The following STX8 variants were observed in gnomAD, a reference collection of about 807,000 sequenced individuals.
The protein encoded by STX8 is syntaxin 8, also known as syntaxin-8.
A neutral mutation model predicts 37.5 loss-of-function variants in STX8; 23 were observed. The observed-to-expected ratio is 0.61, with a 90% confidence interval of 0.44 to 0.87. STX8 has a LOEUF of 0.87. STX8 is among the 40% of genes least tolerant of loss of function. STX8 has a pLI of 0.00. For synonymous variants in STX8, 115 were observed against 99.1 expected (o/e 1.16, Z -0.95); for missense variants, 313 against 284.7 (o/e 1.10, Z -0.71).
chr17:9,274,663 G>A (rs1320247609), intron 7 of STX8, among the ~76,000 whole-genome samples: 2 of 134,686 alleles, frequency 1.5e-5, no homozygotes, highest in Non-Finnish European at 3.2e-5. Flanking sequence ...GCAACAGTGT[G>A]AGACTCTGTC....
chr17:9,495,605 T>C (rs569806877), intron 5 of STX8, among the ~76,000 whole-genome samples: 8 of 152,380 alleles, frequency 5.3e-5, no homozygotes, highest in African/African-American at 7.2e-5. Flanking sequence ...AGCAACCTGA[T>C]GATCATCTAA....
At chr17:9,458,358 C>T (rs1324278369) in intron 6 of STX8, among the ~76,000 whole-genome samples, 11 of 152,222 alleles carry the variant, frequency 7.2e-5, no homozygotes, top group Non-Finnish European at 1.3e-4. Flanking sequence ...ACCGTGTCAG[C>T]CAGGATGGTG....
intron 4 of STX8, among the ~76,000 whole-genome samples, chr17:9,525,697 A>G (rs1260792219): frequency 6.6e-6 from 1 of 152,138 alleles, no homozygotes; most frequent in Non-Finnish European, 1.5e-5. Context: ...CATATCACAC[A>G]AAGTGGCATT....
intron 6 of STX8, among the ~76,000 whole-genome samples, chr17:9,487,003 G>A (rs917158361): frequency 3.3e-5 from 5 of 152,086 alleles, no homozygotes; most frequent in East Asian, 3.9e-4. Context: ...ACTTGCCAAC[G>A]CCCCTAGTCA....
chr17:9,354,964 A>G (rs927773827), intron 7 of STX8, among the ~76,000 whole-genome samples: 4 of 151,956 alleles, frequency 2.6e-5, no homozygotes, highest in African/African-American at 9.7e-5. Context: ...CAATACTACC[A>G]CCCCTGTTTT....
intron 6 of STX8, among the ~76,000 whole-genome samples, chr17:9,444,882 GAT>G (rs766595417): frequency 6.6e-6 from 1 of 152,172 alleles, no homozygotes; most frequent in Non-Finnish European, 1.5e-5. Flanking sequence ...AGTTGGCAGA[GAT>G]ATGTTACAGA....
intron 6 of STX8, among the ~76,000 whole-genome samples, chr17:9,396,619 A>G (rs1219184562): frequency 2.7e-5 from 4 of 148,872 alleles, no homozygotes; most frequent in African/African-American, 9.8e-5. Context: ...CTGAGGCAGG[A>G]GATTCGCTTG....
intron 7 of STX8, among the ~76,000 whole-genome samples, chr17:9,359,199 C>G (rs973832646): frequency 6.6e-6 from 1 of 151,548 alleles, no homozygotes; most frequent in Non-Finnish European, 1.5e-5. Context: ...CCTGCCACCA[C>G]GCCTGGCTAA....
chr17:9,440,372 T>C (rs12450827), intron 6 of STX8, among the ~76,000 whole-genome samples: 27,074 of 152,042 alleles, frequency 0.18, 2,981 homozygotes, highest in Middle Eastern at 0.28. Context: ...ATTCCTCCTT[T>C]ATAATCCCTC....
chr17:9,366,547 C>T (rs919524902), intron 7 of STX8, among the ~76,000 whole-genome samples: 1 of 152,132 alleles, frequency 6.6e-6, no homozygotes, highest in Admixed American at 6.6e-5. Context: ...CATTTCTATT[C>T]ACCTTTCTCG....
chr17:9,306,199 A>G (rs533180776), intron 7 of STX8, among the ~76,000 whole-genome samples: 2 of 152,318 alleles, frequency 1.3e-5, no homozygotes, highest in South Asian at 4.1e-4. Context: ...CATACCATAT[A>G]GCCAAAGTGT....
At chr17:9,486,133 G>A (rs1283250585) in intron 6 of STX8, among the ~76,000 whole-genome samples, 2 of 152,122 alleles carry the variant, frequency 1.3e-5, no homozygotes, top group Non-Finnish European at 2.9e-5. Context: ...ATAATGAACG[G>A]CCTAAAAGTA....
At chr17:9,320,946 C>CAAAAAAAAAAAA (rs536883769) in intron 7 of STX8, among the ~76,000 whole-genome samples, 1 of 87,248 alleles carries the variant, frequency 1.1e-5, no homozygotes. Context: ...ACGGGGCCTC[C>CAAAAAAAAAAAA]AAAAAAAAAA....
chr17:9,464,071 T>TCAAAAA, intron 6 of STX8, among the ~76,000 whole-genome samples: 2 of 152,242 alleles, frequency 1.3e-5, no homozygotes, highest in South Asian at 2.1e-4. Context: ...CAAGACTGTC[T>TCAAAAA]CAAAAACAAA....
At chr17:9,373,935 A>G (rs777362422) in intron 7 of STX8, among the ~76,000 whole-genome samples, 59 of 139,880 alleles carry the variant, frequency 4.2e-4, no homozygotes, top group Non-Finnish European at 8.0e-4. Context: ...GCAGAACTCT[A>G]TCTAAAAAAA....
intron 4 of STX8, among the ~76,000 whole-genome samples, chr17:9,514,844 C>T (rs1421876040): frequency 6.6e-6 from 1 of 152,102 alleles, no homozygotes; most frequent in Non-Finnish European, 1.5e-5. Context: ...GGTGCATATC[C>T]ACTAGACAGA....
At chr17:9,289,735 G>A (rs1375105187) in intron 7 of STX8, among the ~76,000 whole-genome samples, 2 of 151,526 alleles carry the variant, frequency 1.3e-5, no homozygotes, top group Non-Finnish European at 2.9e-5. Context: ...AGTCGGGATC[G>A]CGCCACTGCA....
chr17:9,510,307 T>C (rs1438685767), intron 4 of STX8, among the ~76,000 whole-genome samples: 1 of 152,174 alleles, frequency 6.6e-6, no homozygotes, highest in African/African-American at 2.4e-5. Context: ...ATGGAACATT[T>C]CACCCAACAG....
chr17:9,442,823 A>G (rs1012832962), intron 6 of STX8, among the ~76,000 whole-genome samples: 2 of 152,192 alleles, frequency 1.3e-5, no homozygotes, highest in African/African-American at 2.4e-5. Flanking sequence ...ATAGATGAGT[A>G]GCAGTGGTGT....
Sources: gnomAD v4.1 joint callset for allele counts (sites outside exome capture counted in the v4.1 genomes callset) on GRCh38, gnomAD v4.1.1 for gene constraint, MANE v1.5 for transcripts, NCBI Gene and HGNC (gene_info 2026-07-23, HGNC 2026-07-21) for gene names.